The following ACSL3 variants were observed in gnomAD, a reference collection of about 807,000 sequenced individuals.
ACSL3 encodes acyl-CoA synthetase long chain family member 3.
Under a neutral mutation model 84.7 loss-of-function variants are expected in ACSL3, and 34 were observed. The ratio of observed to expected loss-of-function variants is 0.40; its 90% CI spans 0.31 to 0.53. The LOEUF (loss-of-function observed/expected upper bound fraction) is 0.53, where lower values mean the gene tolerates loss of function less well. Ranked by LOEUF, ACSL3 falls within the 20% of genes least tolerant of loss-of-function variation. The pLI is 0.48. For synonymous variants in ACSL3, 315 were observed against 299.4 expected, an observed-to-expected ratio of 1.05 and a Z score of -0.54; for missense variants, 680 against 873.1, an observed-to-expected ratio of 0.78 and a Z score of 2.79.
At position 222,911,056 on chromosome 2, in the gene ACSL3, T is replaced by TTC. The variant is rs1553594881; in HGVS notation, c.378+1907_378+1908insCT. 1.3e-4 allele frequency among the ~76,000 whole-genome samples: 19 copies of TTC among 147,670 alleles called. No individual in the cohort carries two copies. In the East Asian group the frequency reaches 2.8e-3, roughly 22 times the overall value. On this transcript the variant is annotated intron_variant, in intron 4 of 16. Transcript: ENST00000357430. ...ATATCTGGCACTGCCTTTTTTTTTT[T>TTC]TTTTTTTTTTGAGATGGAGTTTCAC...
At chr2:222,900,298 G>GTT (rs1696104500) in intron 2 of ACSL3, among the ~76,000 whole-genome samples, 1 of 152,020 alleles carries the variant, frequency 6.6e-6, no homozygotes, top group South Asian at 2.1e-4. Flanking sequence ...TTTCTTATTG[G>GTT]TTTCCTCAGT....
chr2:222,888,095 C>A (rs1431140942), intron 2 of ACSL3, among the ~76,000 whole-genome samples: 2 of 152,230 alleles, frequency 1.3e-5, no homozygotes, highest in South Asian at 4.1e-4. Context: ...TGTCTATCTT[C>A]CTTTCCTTAA....
At chr2:222,902,620 A>G (rs1223511117) in intron 3 of ACSL3, among the ~76,000 whole-genome samples, 1 of 152,228 alleles carries the variant, frequency 6.6e-6, no homozygotes, top group Non-Finnish European at 1.5e-5. Flanking sequence ...TCTCATGACC[A>G]GAAAAAAATT....
intron 7 of ACSL3, chr2:222,919,480 T>G: frequency 4.0e-6 from 1 of 249,524 alleles, no homozygotes; most frequent in South Asian, 8.0e-5. Flanking sequence ...GGTGATAGTT[T>G]TGGGTGGTTT....
chr2:222,905,598 C>G (rs957237281), intron 3 of ACSL3, among the ~76,000 whole-genome samples: 1 of 152,122 alleles, frequency 6.6e-6, no homozygotes, highest in Non-Finnish European at 1.5e-5. Context: ...GTAGCAAGAC[C>G]GTTTGTTTTC....
At position 222,865,463 on chromosome 2, in the gene ACSL3, A is replaced by G. The variant is rs529205881; in HGVS notation, c.-207+4205A>G. On this transcript the variant is annotated intron_variant, in intron 1 of 16. Coordinates refer to ENST00000357430, the MANE Select transcript of ACSL3 (RefSeq NM_004457.5). ...TGTATTTACTTAGTGTCTGTTTTGCAAGGTACTCGGAATTTGGAAATGATT... is the reference window on the plus strand; with the variant it reads ...TGTATTTACTTAGTGTCTGTTTTGCGAGGTACTCGGAATTTGGAAATGATT... 4.6e-5 allele frequency among the ~76,000 whole-genome samples: 7 copies of G among 152,342 alleles called. No homozygotes were observed. The East Asian group carries it at 1.3e-3, about 29-fold the overall frequency.
chr2:222,884,852 A>G lies in ACSL3; in HGVS notation c.-206-2978A>G, dbSNP rs192437758. Among the ~76,000 whole-genome samples, 34 of 152,246 alleles carry G rather than the reference A, an allele frequency of 2.2e-4. No homozygotes were observed. The East Asian group carries it at 5.6e-3, about 25-fold the overall frequency. ...ACAAATAATTGTTATTATTGCCTGCAGTTATTGTCTGCTTGAACAAAAATA... is the reference window on the plus strand; with the variant it reads ...ACAAATAATTGTTATTATTGCCTGCGGTTATTGTCTGCTTGAACAAAAATA... On this transcript the variant is annotated intron_variant, in intron 1 of 16. Coordinates refer to ENST00000357430, the MANE Select transcript of ACSL3 (RefSeq NM_004457.5).
Position 222,943,100 on chromosome 2 carries a change from C to A in ACSL3, c.*1446C>A, listed in dbSNP as rs1071621. The A allele has an allele frequency of 0.057, 4,244 of 74,154 alleles. 10 individuals are homozygous for A. Among genetic ancestry groups the A allele is most frequent in the East Asian group, 0.078 (503 of 6,458 alleles). 4.6% of individuals were successfully genotyped at this position (74,154 alleles called of 1,614,324 possible). On this transcript the variant is annotated 3_prime_UTR_variant, in exon 17 of 17. Coordinates refer to ENST00000357430, the MANE Select transcript of ACSL3 (RefSeq NM_004457.5). ...AGGCAAAAATCAAAAAAAAAAAAAA[C>A]AAAAACAAAAAAAAAGATGAACCTA...
chr2:222,870,417 G>C (rs1695269709), intron 1 of ACSL3, among the ~76,000 whole-genome samples: 1 of 152,160 alleles, frequency 6.6e-6, no homozygotes, highest in African/African-American at 2.4e-5. Context: ...TAAATAGATG[G>C]AGTGAAAGAT....
In ACSL3 at chr2:222,916,416, A is replaced by C. The variant is rs762117321; in HGVS notation, c.476A>C (p.Lys159Thr). 5.5e-5 allele frequency: 88 copies of C among 1,614,046 alleles called. No individual in the cohort carries two copies. Among genetic ancestry groups the C allele is most frequent in the Non-Finnish European group, 7.4e-5 (87 of 1,180,016 alleles). ...TTACAGATGTTGGGTCAGAAACCAA[A>C]GACCAACATCGCCATCTTCTGTGAG... is the stretch of plus-strand genomic sequence containing the variant. ...NGLQMLGQKPKTNIAIFCETR... is the reference protein window; with the variant it reads ...NGLQMLGQKPTTNIAIFCETR... Residue 159 changes from lysine to threonine, a missense_variant, in exon 5 of 17, where the codon AAG (lysine) becomes ACG (threonine). By Grantham distance (78) the Lys-to-Thr change is moderately conservative. Around this residue, in one of 2 missense-constraint regions of ACSL3, gnomAD observed 333 missense variants for 347.5 expected, o/e 0.96. Coordinates refer to ENST00000357430, the MANE Select transcript of ACSL3 (RefSeq NM_004457.5).
chr2:222,936,608 TCCCC>T (rs55915039), intron 16 of ACSL3, among the ~76,000 whole-genome samples: 1 of 131,188 alleles, frequency 7.6e-6, no homozygotes, highest in African/African-American at 2.9e-5. Flanking sequence ...TTCTGCACCC[TCCCC>T]CCCCACCCCA....
intron 13 of ACSL3, among the ~76,000 whole-genome samples, chr2:222,930,032 G>T (rs922391452): frequency 6.8e-6 from 1 of 148,090 alleles, no homozygotes; most frequent in Admixed American, 6.8e-5. Context: ...GGGTTCAAGT[G>T]ATTCTCCTGC....
chr2:222,922,783 T>C lies in ACSL3; in HGVS notation c.1032T>C (p.Ser344=). The change falls in exon 9 of 17, where the codon TCT becomes TCC. Residue 344 remains serine, a synonymous_variant. Transcript: ENST00000357430. ...TAAGTGCTGAGCTTGTCTGTCTTTC[T>C]CACGGATGCCGCATTGGTTACTCTT... ...LELSAELVCL[S]HGCRIGYSSP... The C allele has an allele frequency of 6.2e-7, 1 of 1,614,230 alleles. No individual in the cohort carries two copies. The highest frequency in any genetic ancestry group is 8.5e-7 in the Non-Finnish European group (1 of 1,180,016).
At chr2:222,911,472 G>A (rs1282373538) in intron 4 of ACSL3, among the ~76,000 whole-genome samples, 1 of 152,194 alleles carries the variant, frequency 6.6e-6, no homozygotes, top group Non-Finnish European at 1.5e-5. Flanking sequence ...TCTGCTTATA[G>A]ATTCATTTTT....
intron 6 of ACSL3, 25 bp downstream of exon 6, chr2:222,918,180 C>G (rs1696636577): frequency 6.8e-7 from 1 of 1,472,324 alleles, no homozygotes; most frequent in Admixed American, 1.8e-5. Context: ...TACTTTCTAA[C>G]TGTCTGATAC....
At chr2:222,916,205 T>G in intron 4 of ACSL3, 114 bp from the exon 5 acceptor site, 1 of 637,112 alleles carries the variant, frequency 1.6e-6, no homozygotes. Flanking sequence ...ATTAAAAAGA[T>G]AATTCTATGC....
chr2:222,898,530 G>T (rs972091645), intron 2 of ACSL3, among the ~76,000 whole-genome samples: 3 of 152,162 alleles, frequency 2.0e-5, no homozygotes, highest in Non-Finnish European at 4.4e-5. Flanking sequence ...TGACCTCTAA[G>T]GTAATTCTGA....
At chr2:222,905,824 C>T (rs550259598) in intron 3 of ACSL3, among the ~76,000 whole-genome samples, 156 of 151,026 alleles carry the variant, frequency 1.0e-3, no homozygotes, top group African/African-American at 3.7e-3. Context: ...CTTGTAAAAT[C>T]GATTTGGATT....
chr2:222,876,996 T>C (rs1325560012), intron 1 of ACSL3, among the ~76,000 whole-genome samples: 1 of 152,132 alleles, frequency 6.6e-6, no homozygotes, highest in East Asian at 1.9e-4. Flanking sequence ...GCATAGTTTT[T>C]CTGAGTTAGG....
Sources: allele counts gnomAD v4.1 joint callset (sites outside exome capture counted in the v4.1 genomes callset), GRCh38; gene constraint gnomAD v4.1.1; regional missense constraint gnomAD v4.1.1; transcripts MANE v1.5; gene names NCBI Gene and HGNC (gene_info 2026-07-23, HGNC 2026-07-21).